LRRC49: variants seen among roughly 807,000 people sequenced by gnomAD.
LRRC49 encodes leucine-rich repeat-containing protein 49.
In LRRC49, 50 loss-of-function variants were observed where a neutral mutation model predicts 83.3. That is an observed-to-expected ratio of 0.60 (90% CI 0.48 to 0.76). LRRC49 has a LOEUF of 0.76. Among genes scored for constraint, LRRC49 ranks in the 30% least tolerant of loss-of-function variants. The pLI, the probability that LRRC49 is intolerant of heterozygous loss-of-function variation, is 0.00. For missense variants in LRRC49, 704 were observed against 809.1 expected, an observed-to-expected ratio of 0.87 and a Z score of 1.58; for synonymous variants, 286 against 283.3, an observed-to-expected ratio of 1.01 and a Z score of -0.10.
chr15:70,937,216 A>T (rs745502306), intron 8 of LRRC49, among the ~76,000 whole-genome samples: 1 of 152,210 alleles, frequency 6.6e-6, no homozygotes, highest in Non-Finnish European at 1.5e-5. Context: ...ACAGCAGGCT[A>T]TATTTGTCAC....
chr15:70,972,464 G>A (rs1303361452), intron 9 of LRRC49, among the ~76,000 whole-genome samples: 1 of 152,126 alleles, frequency 6.6e-6, no homozygotes, highest in Non-Finnish European at 1.5e-5. Flanking sequence ...TATGTGTCTT[G>A]AGGTTGATTT....
chr15:70,931,689 C>T (rs1285544078), intron 7 of LRRC49, among the ~76,000 whole-genome samples: 1 of 151,744 alleles, frequency 6.6e-6, no homozygotes. Flanking sequence ...ACTATATTTT[C>T]TTAATTTTTT....
At chr15:70,942,242 T>A (rs1224328058) in intron 8 of LRRC49, among the ~76,000 whole-genome samples, 1 of 152,128 alleles carries the variant, frequency 6.6e-6, no homozygotes, top group Non-Finnish European at 1.5e-5. Context: ...AAAACACTGA[T>A]GTACCAAAGG....
At chr15:70,944,465 C>T (rs1166899406) in intron 8 of LRRC49, among the ~76,000 whole-genome samples, 2 of 152,054 alleles carry the variant, frequency 1.3e-5, no homozygotes, top group South Asian at 2.1e-4. Context: ...AGTGCACTGG[C>T]GCGATCTCCG....
chr15:70,936,109 C>T, intron 7 of LRRC49, among the ~76,000 whole-genome samples: 1 of 151,946 alleles, frequency 6.6e-6, no homozygotes, highest in Non-Finnish European at 1.5e-5. Context: ...ATTTAAACAG[C>T]AGTGGTATGT....
chr15:70,884,937 A>G (rs570464343), intron 2 of LRRC49, among the ~76,000 whole-genome samples: 7 of 152,300 alleles, frequency 4.6e-5, no homozygotes, highest in African/African-American at 1.7e-4. Context: ...TTAAAAACTG[A>G]GATAATATAA....
Position 71,037,476 on chromosome 15 carries a change from C to G in LRRC49, c.1857+144C>G, listed in dbSNP as rs1392431846. On this transcript the variant is annotated intron_variant, in intron 15 of 15. Coordinates refer to ENST00000260382, the MANE Select transcript of LRRC49 (RefSeq NM_017691.5). ...CAACCTTATATTACAAAGCCAGGGA[C>G]AGTAGGTACCCAGGCAATTAGGGAG... The G allele has an allele frequency of 1.2e-5, 7 of 579,878 alleles. No individual in the cohort carries two copies. In the East Asian group the frequency reaches 1.9e-4, roughly 16 times the overall value. The allele number at this position is 579,878 out of a possible 1,614,324, so 35.9% of individuals were successfully genotyped here. A position where few individuals can be genotyped will look rare whatever the true frequency, so the allele number is the denominator to read the frequency against.
chr15:70,933,175 T>C (rs1429005745), intron 7 of LRRC49, among the ~76,000 whole-genome samples: 1 of 152,204 alleles, frequency 6.6e-6, no homozygotes, highest in Non-Finnish European at 1.5e-5. Flanking sequence ...AATAATTTTT[T>C]CTATTTTTTA....
intron 8 of LRRC49, among the ~76,000 whole-genome samples, chr15:70,943,717 G>A (rs777833175): frequency 1.4e-4 from 22 of 152,202 alleles, no homozygotes; most frequent in Non-Finnish European, 2.1e-4. Context: ...GCACATGCTT[G>A]AGCCCACTTG....
rs373119811 is a variant in LRRC49 at position 70,980,085 on chromosome 15, G to A, written c.922-16G>A. 1.5e-5 allele frequency: 24 copies of A among 1,569,224 alleles called. 1 individual carries two copies. The highest frequency in any genetic ancestry group is 4.5e-5 in the East Asian group (2 of 44,456). On this transcript the variant is annotated splice_polypyrimidine_tract_variant and intron_variant, in intron 9 of 15. Transcript: ENST00000260382. ...GGTTAAACTCTTCATAATACTTTTCGGAAAATGTCTTTTAGGAAGAAGAAA... is the reference window on the plus strand; with the variant it reads ...GGTTAAACTCTTCATAATACTTTTCAGAAAATGTCTTTTAGGAAGAAGAAA...
chr15:70,909,299 T>G (rs111424671), intron 5 of LRRC49, among the ~76,000 whole-genome samples: 22 of 151,962 alleles, frequency 1.4e-4, no homozygotes, highest in African/African-American at 5.1e-4. Flanking sequence ...CAAAGGAGAG[T>G]AAGAGGAACT....
chr15:70,863,176 T>C (rs923791791), intron 1 of LRRC49, among the ~76,000 whole-genome samples: 4 of 152,174 alleles, frequency 2.6e-5, no homozygotes, highest in African/African-American at 9.7e-5. Context: ...ACCACGGGCA[T>C]CAGAATTACT....
At chr15:70,907,748 A>G (rs2034377254) in intron 5 of LRRC49, 1 of 327,178 alleles carries the variant, frequency 3.1e-6, no homozygotes, top group Admixed American at 3.8e-5. Context: ...AGGCTGTGAT[A>G]TATCCCTAGA....
chr15:70,973,799 T>C (rs544033623), intron 9 of LRRC49, among the ~76,000 whole-genome samples: 144 of 152,220 alleles, frequency 9.5e-4, no homozygotes, highest in African/African-American at 3.4e-3. Context: ...GTCAACTTGA[T>C]GTTGATTCTG....
intron 2 of LRRC49, chr15:70,873,333 A>G (rs2033090192): frequency 8.1e-7 from 1 of 1,239,934 alleles, no homozygotes; most frequent in Non-Finnish European, 1.1e-6. Context: ...AAGCTATTAT[A>G]CAAGAATGAA....
At chr15:70,933,642 A>G (rs761947395) in intron 7 of LRRC49, among the ~76,000 whole-genome samples, 4 of 152,216 alleles carry the variant, frequency 2.6e-5, no homozygotes, top group African/African-American at 4.8e-5. Context: ...AGGAGAAATT[A>G]CTACTGGCAA....
intron 1 of LRRC49, 97 bp from the exon 2 acceptor site, chr15:70,893,487 A>AT: frequency 2.7e-6 from 2 of 739,712 alleles, no homozygotes; most frequent in African/African-American, 1.8e-5. Context: ...ATTGTGTTCT[A>AT]TTTTTTTGTT....
At chr15:70,854,641 C>T (rs1421273842) in intron 1 of LRRC49, among the ~76,000 whole-genome samples, 1 of 152,180 alleles carries the variant, frequency 6.6e-6, no homozygotes. Context: ...CCCTAGACCG[C>T]GTCTTAGGAG....
intron 15 of LRRC49, among the ~76,000 whole-genome samples, chr15:71,040,849 C>G (rs2039681466): frequency 6.7e-6 from 1 of 148,598 alleles, no homozygotes; most frequent in Non-Finnish European, 1.5e-5. Context: ...AGGATTCAAG[C>G]TTTCCCTGAA....
Sources: gnomAD v4.1 joint callset for allele counts (sites outside exome capture counted in the v4.1 genomes callset) on GRCh38, gnomAD v4.1.1 for gene constraint, MANE v1.5 for transcripts, NCBI Gene and HGNC (gene_info 2026-07-23, HGNC 2026-07-21) for gene names.